SMPD1: variants seen among roughly 807,000 people sequenced by gnomAD.
The protein encoded by SMPD1 is sphingomyelin phosphodiesterase.
SMPD1 carries 47 observed loss-of-function variants against 49.7 expected under a neutral mutation model. The ratio of observed to expected loss-of-function variants is 0.95; its 90% CI spans 0.75 to 1.21. The LOEUF (loss-of-function observed/expected upper bound fraction) is 1.21, where lower values mean the gene tolerates loss of function less well. Ranked by LOEUF, SMPD1 falls within the 50% of genes most tolerant of loss-of-function variation. The probability of loss-of-function intolerance (pLI) is 0.00; values close to 1 mark genes in which losing one functional copy is unlikely to be tolerated. For synonymous variants in SMPD1, 336 were observed against 339.6 expected, an observed-to-expected ratio of 0.99 and a Z score of 0.12; for missense variants, 811 against 822.2, an observed-to-expected ratio of 0.99 and a Z score of 0.17.
rs1848062454 is a variant in SMPD1, at chr11:6,393,970, A to C, written c.1415A>C (p.Glu472Ala). 1 of 1,614,090 alleles carries C rather than the reference A, an allele frequency of 6.2e-7. No individual in the cohort carries two copies. The highest frequency in any genetic ancestry group is 1.3e-5 in the African/African-American group (1 of 74,908). ...GAATTTGAGGTCTTCTATGATGAAG[A>C]GACTCTGAGCCGGCCGCTGGCTGTA... ...VDEFEVFYDE[E>A]TLSRPLAVAF... Residue 472 changes from glutamate to alanine, a missense_variant, in exon 5 of 6, where the codon GAG (glutamate) becomes GCG (alanine). Physicochemically the swap from Glu to Ala is moderately radical, Grantham distance 107. Coordinates refer to ENST00000342245, the MANE Select transcript of SMPD1 (RefSeq NM_000543.5).
Position 6,390,786 on chromosome 11 carries a change from C to T in SMPD1, c.188C>T (p.Pro63Leu), listed in dbSNP as rs1286205489. The change falls in exon 1 of 6, where the codon CCT becomes CTT. Residue 63 changes from proline (P) to leucine (L), a missense_variant. Pro to Leu is a moderately conservative substitution (Grantham distance 98, BLOSUM62 -3). Coordinates refer to ENST00000342245, the MANE Select transcript of SMPD1 (RefSeq NM_000543.5). ...CTCTGGGCTCCGGCAGAGGCTCACC[C>T]TCTTTCTCCCCAAGGCCATCCTGCC... ...RVLWAPAEAH[P>L]LSPQGHPARL... The T allele has an allele frequency of 6.2e-7, 1 of 1,614,068 alleles. No individual in the cohort carries two copies. Among genetic ancestry groups the T allele is most frequent in the South Asian group, 1.1e-5 (1 of 91,080 alleles).
Position 6,394,836 on chromosome 11 carries a change from C to T in SMPD1, c.*229C>T. The T allele has an allele frequency of 5.1e-6, 3 of 590,912 alleles. No homozygotes were observed. The highest frequency in any genetic ancestry group is 9.0e-6 in the Non-Finnish European group (3 of 332,450). The allele number at this position is 590,912 out of a possible 1,614,324, so 36.6% of individuals were successfully genotyped here. ...GCTAGACTGCCTTGAGGCTGCTGTC[C>T]TTTCACAGCCATGGAGTAGAGGCCT... On this transcript the variant is annotated 3_prime_UTR_variant, in exon 6 of 6. Transcript: ENST00000342245.
Position 6,391,439 on chromosome 11 carries a change from T to C in SMPD1, c.374T>C (p.Leu125Pro). 6.2e-7 allele frequency: 1 copy of C among 1,613,612 alleles called. No homozygotes were observed. Among genetic ancestry groups the C allele is most frequent in the Non-Finnish European group, 8.5e-7 (1 of 1,180,012 alleles). Reference protein sequence around the residue: ...GSVAIKLCNLLKIAPPAVCQS... With the variant: ...GSVAIKLCNLPKIAPPAVCQS... ...GTGGCCATCAAGCTGTGCAATCTGC[T>C]GAAGATAGCACCACCTGCCGTGTGC... Residue 125 changes from leucine (L) to proline (P), a missense_variant, in exon 2 of 6, where the codon CTG (leucine) becomes CCG (proline). Leu to Pro is a moderately conservative substitution (Grantham distance 98, BLOSUM62 -3). Coordinates refer to ENST00000342245, the MANE Select transcript of SMPD1 (RefSeq NM_000543.5).
Position 6,394,230 on chromosome 11 carries a change from T to C in SMPD1, c.1519T>C (p.Ser507Pro), listed in dbSNP as rs1326480019. 9 of 1,614,166 alleles carry C rather than the reference T, an allele frequency of 5.6e-6. No homozygotes were observed. Among genetic ancestry groups the C allele is most frequent in the Non-Finnish European group, 7.6e-6 (9 of 1,180,032 alleles). The change falls in exon 6 of 6, where the codon TCC (serine) becomes CCC (proline). Residue 507 changes from serine to proline, a missense_variant. Physicochemically the swap from Ser to Pro is moderately conservative, Grantham distance 74 (BLOSUM62 -1). Coordinates refer to ENST00000342245, the MANE Select transcript of SMPD1 (RefSeq NM_000543.5). ...YRVYQIDGNYSGSSHVVLDHE... is the reference protein window; with the variant it reads ...YRVYQIDGNYPGSSHVVLDHE... ...TGTGTACCAAATAGATGGAAACTAC[T>C]CCGGGAGCTCTCACGTGGTCCTGGA... is the stretch of plus-strand genomic sequence containing the variant.
At position 6,391,845 on chromosome 11, in the gene SMPD1, G is replaced by A. The variant is rs770523185; in HGVS notation, c.780G>A (p.Glu260=). 2 of 1,613,794 alleles carry A rather than the reference G, an allele frequency of 1.2e-6. No homozygotes were observed. Among genetic ancestry groups the A allele is most frequent in the East Asian group, 4.5e-5 (2 of 44,906 alleles). Residue 260 remains glutamate (E), a synonymous_variant, in exon 2 of 6, where the codon GAG becomes GAA. Coordinates refer to ENST00000342245, the MANE Select transcript of SMPD1 (RefSeq NM_000543.5). The part of the protein sequence containing the change: ...SKCDLPLRTL[E]SLLSGLGPAG... Reference sequence around the variant, plus strand: ...GTGACCTGCCCCTGAGGACCCTGGAGAGCCTGTTGAGTGGGCTGGGCCCAG... The same window carrying A: ...GTGACCTGCCCCTGAGGACCCTGGAAAGCCTGTTGAGTGGGCTGGGCCCAG...
chr11:6,391,351 C>T, intron 1 of SMPD1, 33 bp from the exon 2 acceptor site: 1 of 1,610,726 alleles, frequency 6.2e-7, no homozygotes, highest in Non-Finnish European at 8.5e-7. Flanking sequence ...TGCTCTGCCT[C>T]TGATTTCTCA....
At position 6,394,791 on chromosome 11, in the gene SMPD1, T is replaced by C; in HGVS notation, c.*184T>C. ...GGTTTAGCTGGATATGGGAGGGGGT[T>C]TGGCTGCCTGTGCCCAGGAGCTAGA... On this transcript the variant is annotated 3_prime_UTR_variant, in exon 6 of 6. Coordinates refer to ENST00000342245, the MANE Select transcript of SMPD1 (RefSeq NM_000543.5). 1.6e-6 allele frequency: 1 copy of C among 635,592 alleles called. No individual in the cohort carries two copies. The highest frequency in any genetic ancestry group is 2.7e-6 in the Non-Finnish European group (1 of 363,928). The allele number at this position is 635,592 out of a possible 1,614,324, so 39.4% of individuals were successfully genotyped here.
rs756030863 is a variant in SMPD1, at chr11:6,391,368, G to A, written c.319-16G>A. The A allele has an allele frequency of 1.3e-5, 21 of 1,611,810 alleles. No individual in the cohort carries two copies. The highest frequency in any genetic ancestry group is 1.1e-4 in the East Asian group (5 of 44,888). Reference sequence around the variant, plus strand: ...CTCTGCCTCTGATTTCTCACCATGCGCTCCTCCCACTGCAGAAGGAACCCA... The same window carrying A: ...CTCTGCCTCTGATTTCTCACCATGCACTCCTCCCACTGCAGAAGGAACCCA... On this transcript the variant is annotated splice_polypyrimidine_tract_variant and intron_variant, in intron 1 of 5. Transcript: ENST00000342245.
chr11:6,394,408 T>C lies in SMPD1; in HGVS notation c.1697T>C (p.Met566Thr), dbSNP rs1848094097. 19 of 1,614,102 alleles carry C rather than the reference T, an allele frequency of 1.2e-5. No individual in the cohort carries two copies. The highest frequency in any genetic ancestry group is 1.6e-4 in the Middle Eastern group (1 of 6,084). ...HNLVYRMRGD[M>T]QLFQTFWFLY... ...CTGGTATATCGCATGCGGGGCGACA[T>C]GCAACTTTTCCAGACCTTCTGGTTT... is the stretch of plus-strand genomic sequence containing the variant. Residue 566 changes from methionine (M) to threonine (T), a missense_variant, in exon 6 of 6, where the codon ATG (methionine) becomes ACG (threonine). Physicochemically the swap from Met to Thr is moderately conservative, Grantham distance 81. Transcript: ENST00000342245.
At position 6,391,699 on chromosome 11, in the gene SMPD1, G is replaced by T. The variant is rs772889728; in HGVS notation, c.634G>T (p.Asp212Tyr). 1 of 1,610,784 alleles carries T rather than the reference G, an allele frequency of 6.2e-7. No homozygotes were observed. Among genetic ancestry groups the T allele is most frequent in the Non-Finnish European group, 8.5e-7 (1 of 1,179,730 alleles). Residue 212 changes from aspartate (D) to tyrosine (Y), a missense_variant, in exon 2 of 6, where the codon GAT (aspartate) becomes TAT (tyrosine). Asp to Tyr is a radical substitution (Grantham distance 160). Coordinates refer to ENST00000342245, the MANE Select transcript of SMPD1 (RefSeq NM_000543.5). ...CCTCTTCCTCACTGACCTGCACTGG[G>T]ATCATGACTACCTGGAGGGCACGGA... ...RILFLTDLHW[D>Y]HDYLEGTDPD...
rs1050239 is a variant in SMPD1, at chr11:6,394,233, G to A, written c.1522G>A (p.Gly508Arg). Residue 508 changes from glycine to arginine, a missense_variant, in exon 6 of 6, where the codon GGG becomes AGG. By Grantham distance (125) the Gly-to-Arg change is moderately radical (BLOSUM62 -2). Coordinates refer to ENST00000342245, the MANE Select transcript of SMPD1 (RefSeq NM_000543.5). The stretch of plus-strand genomic sequence containing the variant: ...GTACCAAATAGATGGAAACTACTCC[G>A]GGAGCTCTCACGTGGTCCTGGACCA... The part of the protein sequence containing the change: ...RVYQIDGNYS[G>R]SSHVVLDHET... The A allele has an allele frequency of 0.22, 352,801 of 1,613,854 alleles. 40,019 individuals are homozygous for A. The highest frequency in any genetic ancestry group is 0.24 in the Non-Finnish European group (281,575 of 1,179,894).
intron 2 of SMPD1, 49 bp from the exon 3 acceptor site, chr11:6,393,167 G>A (rs375355923): frequency 1.9e-6 from 3 of 1,552,004 alleles, no homozygotes; most frequent in African/African-American, 1.4e-5. Context: ...CAGCACAGGA[G>A]GACCAGGATT....
At position 6,391,544 on chromosome 11, in the gene SMPD1, G is replaced by GC; in HGVS notation, c.481dup (p.Leu161ProfsTer32). On this transcript the variant is annotated frameshift_variant, in exon 2 of 6. Transcript: ENST00000342245. LOFTEE classifies it high-confidence loss of function. ...GTGCTGAGCCCATCTGAGGCCTGTG[G>GC]CCTGCTCCTGGGCTCCACCTGTGGG... is the stretch of plus-strand genomic sequence containing the variant. 1 of 1,613,910 alleles carries GC rather than the reference G, an allele frequency of 6.2e-7. No individual in the cohort carries two copies. Among genetic ancestry groups the GC allele is most frequent in the Non-Finnish European group, 8.5e-7 (1 of 1,179,966 alleles).
In SMPD1 at chr11:6,391,811, ACAGCAAGTGTGACCTGCCC is replaced by A; in HGVS notation, c.748_766del (p.Ser250Ter). ...CCAGGTGCCGGATACTGGGGCGAAT[ACAGCAAGTGTGACCTGCCC>A]CTGAGGACCCTGGAGAGCCTGTTGA... On this transcript the variant is annotated frameshift_variant, in exon 2 of 6. Transcript: ENST00000342245. LOFTEE classifies it high-confidence loss of function. 1 of 1,613,170 alleles carries A rather than the reference ACAGCAAGTGTGACCTGCCC, an allele frequency of 6.2e-7. No homozygotes were observed. The highest frequency in any genetic ancestry group is 8.5e-7 in the Non-Finnish European group (1 of 1,180,016).
rs186412997 is a variant in SMPD1, at chr11:6,392,578, G to T, written c.1091+422G>T. Among the ~76,000 whole-genome samples, 106 of 126,004 alleles carry T rather than the reference G, an allele frequency of 8.4e-4. 1 individual carries two copies. Among genetic ancestry groups the T allele is most frequent in the African/African-American group, 2.9e-3 (98 of 33,616 alleles). The allele number at this position is 126,004 out of a possible 152,430, so 82.7% of individuals were successfully genotyped here. A position where few individuals can be genotyped will look rare whatever the true frequency, so the allele number is the denominator to read the frequency against. On this transcript the variant is annotated intron_variant, in intron 2 of 5. Coordinates refer to ENST00000342245, the MANE Select transcript of SMPD1 (RefSeq NM_000543.5). ...AGTGGCACCATCTCAGCTCACTACA[G>T]CCTCCACCTCCTGGGTTCAAGCAAT... is the stretch of plus-strand genomic sequence containing the variant.
rs72896272 is a variant in SMPD1 at position 6,393,834 on chromosome 11, A to G, written c.1341-62A>G. 6,907 of 1,596,856 alleles carry G rather than the reference A, an allele frequency of 4.3e-3. 13 individuals are homozygous for G. Among genetic ancestry groups the G allele is most frequent in the Middle Eastern group, 5.6e-3 (33 of 5,940 alleles). On this transcript the variant is annotated intron_variant, in intron 4 of 5. Transcript: ENST00000342245. The stretch of plus-strand genomic sequence containing the variant: ...ACAGGTTGGAGAAAGAGGGCATCCT[A>G]TCTCCCCAGATGTCTTCCTACCCCT...
At chr11:6,393,184 A>G in intron 2 of SMPD1, 32 bp from the exon 3 acceptor site, 1 of 1,603,778 alleles carries the variant, frequency 6.2e-7, no homozygotes, top group African/African-American at 1.3e-5. Flanking sequence ...GATTGGAACA[A>G]GTGTTGACCT....
rs886048446 is a variant in SMPD1, at chr11:6,392,051, T to G, written c.986T>G (p.Phe329Cys). ...GNHESTPVNS[F>C]PPPFIEGNHS... is the part of the protein sequence containing the mutation. ...CATGAAAGCACACCTGTCAATAGCT[T>G]CCCTCCCCCCTTCATTGAGGGCAAC... Residue 329 changes from phenylalanine (F) to cysteine (C), a missense_variant, in exon 2 of 6, where the codon TTC becomes TGC. Phe to Cys is a radical substitution (Grantham distance 205). Coordinates refer to ENST00000342245, the MANE Select transcript of SMPD1 (RefSeq NM_000543.5). 1 of 1,613,874 alleles carries G rather than the reference T, an allele frequency of 6.2e-7. No homozygotes were observed. The highest frequency in any genetic ancestry group is 8.5e-7 in the Non-Finnish European group (1 of 1,180,004).
In SMPD1 at chr11:6,392,229, G is replaced by A. The variant is rs144664050; in HGVS notation, c.1091+73G>A. On this transcript the variant is annotated intron_variant, in intron 2 of 5. Coordinates refer to ENST00000342245, the MANE Select transcript of SMPD1 (RefSeq NM_000543.5). Reference sequence around the variant, plus strand: ...AAAGTGAAGGGAGAAGGGAACCTGGGGCATTGTCTCTGATTGCTCTAGCAT... The same window carrying A: ...AAAGTGAAGGGAGAAGGGAACCTGGAGCATTGTCTCTGATTGCTCTAGCAT... 5.6e-4 allele frequency: 867 copies of A among 1,561,358 alleles called. 2 individuals carry two copies. The African/African-American group carries it at 0.011, about 20-fold the overall frequency.
Sources: gnomAD v4.1 joint callset for allele counts (sites outside exome capture counted in the v4.1 genomes callset) on GRCh38, gnomAD v4.1.1 for gene constraint, MANE v1.5 for transcripts, NCBI Gene and HGNC (gene_info 2026-07-23, HGNC 2026-07-21) for gene names.